Variants in DNAH9 observed in about 807,000 individuals in gnomAD.
DNAH9 encodes DNAH9 variant protein.
A neutral mutation model predicts 471.6 loss-of-function variants in DNAH9; 345 were observed. The observed-to-expected ratio is 0.73, with a 90% CI of 0.67 to 0.80. DNAH9 has a LOEUF of 0.80. Ranked by LOEUF, DNAH9 falls within the 30% of genes least tolerant of loss-of-function variation. DNAH9 has a pLI of 0.00. For synonymous variants in DNAH9, 2,093 were observed against 2,123.6 expected, an observed-to-expected ratio of 0.99 and a Z score of 0.40; for missense variants, 5,407 against 5,609.2, an observed-to-expected ratio of 0.96 and a Z score of 1.15.
chr17:11,645,100 G>C (rs183599457), intron 11 of DNAH9, among the ~76,000 whole-genome samples: 1 of 152,194 alleles, frequency 6.6e-6, no homozygotes, highest in Non-Finnish European at 1.5e-5. Flanking sequence ...AAGCATAAGA[G>C]TGAAAATTTT....
At chr17:11,843,719 A>AAATCAT (rs979613112) in intron 49 of DNAH9, among the ~76,000 whole-genome samples, 1 of 151,144 alleles carries the variant, frequency 6.6e-6, no homozygotes, top group African/African-American at 2.4e-5. Flanking sequence ...TGTTTATTTT[A>AAATCAT]AATCATATTT....
In DNAH9 at chr17:11,608,334, C is replaced by A; in HGVS notation, c.614+9C>A. 1 of 1,589,684 alleles carries A rather than the reference C, an allele frequency of 6.3e-7. No individual in the cohort carries two copies. Among genetic ancestry groups the A allele is most frequent in the Non-Finnish European group, 8.6e-7 (1 of 1,167,150 alleles). On this transcript the variant is annotated intron_variant, in intron 2 of 68. Transcript: ENST00000262442. The stretch of plus-strand genomic sequence containing the variant: ...TCCAAAAGTGAGACAGTGTAAGTAC[C>A]GCCAGCCTGGCCATATGGGCCTCTG...
chr17:11,602,397 G>C (rs1597606655), intron 1 of DNAH9, among the ~76,000 whole-genome samples: 2 of 152,178 alleles, frequency 1.3e-5, no homozygotes, highest in South Asian at 2.1e-4. Context: ...TCACCTTGCT[G>C]TAACCCATCC....
At chr17:11,672,730 C>G (rs1294804711) in intron 17 of DNAH9, among the ~76,000 whole-genome samples, 1 of 152,118 alleles carries the variant, frequency 6.6e-6, no homozygotes, top group Admixed American at 6.5e-5. Flanking sequence ...GACCTCCTCC[C>G]TCCAACGCCC....
At chr17:11,739,089 A>C (rs374896333) in intron 29 of DNAH9, 52 bp downstream of exon 29, 1 of 1,500,654 alleles carries the variant, frequency 6.7e-7, no homozygotes, top group East Asian at 2.3e-5. Flanking sequence ...AGTTTCTTTC[A>C]TTTTTCCACT....
At chr17:11,795,982 A>G (rs1672736132) in intron 42 of DNAH9, among the ~76,000 whole-genome samples, 1 of 152,200 alleles carries the variant, frequency 6.6e-6, no homozygotes, top group African/African-American at 2.4e-5. Flanking sequence ...CCACTATTCA[A>G]AGCTTAAGCT....
At position 11,679,831 on chromosome 17, in the gene DNAH9, A is replaced by G; in HGVS notation, c.3428A>G (p.Gln1143Arg). Residue 1143 changes from glutamine to arginine, a missense_variant, in exon 18 of 69, where the codon CAA becomes CGA. Transcript: ENST00000262442. ...AAGAAAGTTGAAAAAGGAGATTTCC[A>G]AGGCTTGGTTGAGATCATGGGACAC... ...LLKKVEKGDFQGLVEIMGHLM... is the reference protein window; with the variant it reads ...LLKKVEKGDFRGLVEIMGHLM... 6.2e-7 allele frequency: 1 copy of G among 1,614,196 alleles called. No individual in the cohort carries two copies. Among genetic ancestry groups the G allele is most frequent in the Non-Finnish European group, 8.5e-7 (1 of 1,180,016 alleles).
intron 50 of DNAH9, among the ~76,000 whole-genome samples, 173 bp downstream of exon 50, chr17:11,854,601 C>T (rs1319080689): frequency 6.6e-6 from 1 of 152,202 alleles, no homozygotes; most frequent in African/African-American, 2.4e-5. Context: ...CTTTCTCAAA[C>T]ACTGTATAGG....
At chr17:11,882,545 T>A (rs924513439) in intron 55 of DNAH9, among the ~76,000 whole-genome samples, 1 of 152,048 alleles carries the variant, frequency 6.6e-6, no homozygotes, top group African/African-American at 2.4e-5. Context: ...ATTGAACAGA[T>A]ACCTAGGGAG....
rs1342410322 is a variant in DNAH9, at chr17:11,822,835, C to T, written c.9047C>T (p.Ala3016Val). ...AAGCAGTCGATTAGCAAATTCATGG[C>T]CTTTGTCCACACAAGTGTCAACCAA... ...TVKQSISKFM[A>V]FVHTSVNQTS... The change falls in exon 48 of 69, where the codon GCC (alanine) becomes GTC (valine). Residue 3016 changes from alanine to valine, a missense_variant. Physicochemically the swap from Ala to Val is moderately conservative, Grantham distance 64. Coordinates refer to ENST00000262442, the MANE Select transcript of DNAH9 (RefSeq NM_001372.4). 1.2e-6 allele frequency: 2 copies of T among 1,614,196 alleles called. No homozygotes were observed. Among genetic ancestry groups the T allele is most frequent in the Non-Finnish European group, 1.7e-6 (2 of 1,180,030 alleles).
chr17:11,669,168 T>C lies in DNAH9; in HGVS notation c.2836T>C (p.Cys946Arg). Residue 946 changes from cysteine to arginine, a missense_variant, in exon 16 of 69, where the codon TGT becomes CGT. By Grantham distance (180) the Cys-to-Arg change is radical. Transcript: ENST00000262442. The part of the protein sequence containing the change: ...SLESGVKGGF[C>R]DIVEGLITSI... ...GGAGTCTGGAGTGAAGGGGGGTTTC[T>C]GTGACATTGTTGAGGGTCTCATCAC... is the stretch of plus-strand genomic sequence containing the variant. 3 of 1,613,968 alleles carry C rather than the reference T, an allele frequency of 1.9e-6. No homozygotes were observed. The highest frequency in any genetic ancestry group is 2.5e-6 in the Non-Finnish European group (3 of 1,179,850).
Position 11,669,812 on chromosome 17 carries a change from A to C in DNAH9, c.3353+18A>C. 1 of 1,605,518 alleles carries C rather than the reference A, an allele frequency of 6.2e-7. No individual in the cohort carries two copies. Among genetic ancestry groups the C allele is most frequent in the Admixed American group, 1.7e-5 (1 of 59,846 alleles). On this transcript the variant is annotated intron_variant, in intron 17 of 68. Transcript: ENST00000262442. ...ACTCACAGGTACAACAGTTGTTTTCACTTTCTTCCAGCATGCTAGGCTGTG... is the reference window on the plus strand; with the variant it reads ...ACTCACAGGTACAACAGTTGTTTTCCCTTTCTTCCAGCATGCTAGGCTGTG...
In DNAH9 at chr17:11,598,506, T is replaced by C; in HGVS notation, c.8T>C (p.Leu3Pro). MRLAEERAALAAE... is the reference protein window; with the variant it reads MRPAEERAALAAE... ...AGCTGGAGGCCGCGCGCGATGCGGCTCGCGGAGGAGCGGGCCGCGCTCGCG... is the reference window on the plus strand; with the variant it reads ...AGCTGGAGGCCGCGCGCGATGCGGCCCGCGGAGGAGCGGGCCGCGCTCGCG... The change falls in exon 1 of 69, where the codon CTC becomes CCC. Residue 3 changes from leucine to proline, a missense_variant. Leu to Pro is a moderately conservative substitution (Grantham distance 98). This residue lies in a region of DNAH9 where 767 missense variants were observed against 692.5 expected (regional missense o/e 1.11). Transcript: ENST00000262442. 1 of 1,355,630 alleles carries C rather than the reference T, an allele frequency of 7.4e-7. No homozygotes were observed. The highest frequency in any genetic ancestry group is 9.4e-7 in the Non-Finnish European group (1 of 1,058,830). 84.0% of individuals were successfully genotyped at this position (1,355,630 alleles called of 1,614,324 possible).
intron 49 of DNAH9, among the ~76,000 whole-genome samples, chr17:11,852,468 C>T (rs967433722): frequency 2.0e-5 from 3 of 152,038 alleles, no homozygotes; most frequent in African/African-American, 7.2e-5. Context: ...ATTGGCGGAT[C>T]CCCTTGTGGC....
At chr17:11,781,452 G>A (rs1597638489) in intron 39 of DNAH9, among the ~76,000 whole-genome samples, 3 of 152,308 alleles carry the variant, frequency 2.0e-5, no homozygotes, top group Admixed American at 6.5e-5. Flanking sequence ...ACTCATCTCC[G>A]AAGTTGCCTT....
rs1302963335 is a variant in DNAH9, at chr17:11,821,972, T to C, written c.8760T>C (p.Asn2920=). The C allele has an allele frequency of 6.2e-7, 1 of 1,613,888 alleles. No homozygotes were observed. The highest frequency in any genetic ancestry group is 1.3e-5 in the African/African-American group (1 of 74,876). ...SDDEVENIIS[N]VRNEVKSQGL... ...ATGAAGTTGAAAACATCATAAGCAA[T>C]GTGAGGAATGAAGTCAAGAGCCAGG... Residue 2920 remains asparagine (N), a synonymous_variant, in exon 46 of 69, where the codon AAT becomes AAC. Coordinates refer to ENST00000262442, the MANE Select transcript of DNAH9 (RefSeq NM_001372.4).
rs573701473 is a variant in DNAH9, at chr17:11,955,086, A to AAGTT, written c.12844-6778_12844-6775dup. 2.0e-4 allele frequency among the ~76,000 whole-genome samples: 31 copies of AAGTT among 152,292 alleles called. No individual in the cohort carries two copies. The South Asian group carries it at 6.4e-3, about 32-fold the overall frequency. Reference sequence around the variant, plus strand: ...GCATATGTGGAGTGGTATAATTTTGAAGTTAGGGTGTGATGAGTTAGAGAC... The same window carrying AAGTT: ...GCATATGTGGAGTGGTATAATTTTGAAGTTAGTTAGGGTGTGATGAGTTAGAGAC... On this transcript the variant is annotated intron_variant, in intron 67 of 68. Coordinates refer to ENST00000262442, the MANE Select transcript of DNAH9 (RefSeq NM_001372.4).
chr17:11,619,971 G>T (rs1291086506), intron 6 of DNAH9, 190 bp downstream of exon 6: 4 of 573,974 alleles, frequency 7.0e-6, no homozygotes, highest in African/African-American at 5.6e-5. Flanking sequence ...AGCACTTTGG[G>T]AGGCAAAGGT....
intron 50 of DNAH9, among the ~76,000 whole-genome samples, chr17:11,868,474 A>G (rs924935143): frequency 1.3e-5 from 2 of 152,104 alleles, no homozygotes; most frequent in African/African-American, 2.4e-5. Flanking sequence ...TACATTTTTA[A>G]ATATTGAAAT....
Sources: allele counts gnomAD v4.1 joint callset (sites outside exome capture counted in the v4.1 genomes callset), GRCh38; gene constraint gnomAD v4.1.1; regional missense constraint gnomAD v4.1.1; transcripts MANE v1.5; gene names NCBI Gene and HGNC (gene_info 2026-07-23, HGNC 2026-07-21).